The following SPATA31H1 variants were observed in gnomAD, a reference collection of about 807,000 sequenced individuals.
The protein encoded by SPATA31H1 is SPATA31 subfamily H member 1.
the SPATA31H1 span, among the ~76,000 whole-genome samples, chr2:27,540,897 T>C: frequency 1.5e-4 from 15 of 99,584 alleles, no homozygotes; most frequent in South Asian, 1.1e-3. Context: ...CGCTCCTCAC[T>C]TTCCAGACTG....
chr2:27,556,773 A>G, the SPATA31H1 span, among the ~76,000 whole-genome samples: 4 of 128,160 alleles, frequency 3.1e-5, no homozygotes, highest in East Asian at 4.4e-4. Context: ...TGGCAGGGTC[A>G]TAGGACAATA....
At chr2:27,569,779 C>G in the SPATA31H1 span, 1 of 398,906 alleles carries the variant, frequency 2.5e-6, no homozygotes, top group Non-Finnish European at 4.4e-6. Flanking sequence ...CGTGTAAAAT[C>G]TGTGGATTTA....
the SPATA31H1 span, chr2:27,577,358 T>C: frequency 1.9e-6 from 3 of 1,613,916 alleles, no homozygotes; most frequent in African/African-American, 1.3e-5. This position sits in a 1 kb window ranked among gnomAD's most constrained non-coding sequence, Gnocchi z 4.5. Context: ...CTGTGGAATA[T>C]GAAGGGATTA....
chr2:27,567,039 C>A, the SPATA31H1 span: 1 of 717,392 alleles, frequency 1.4e-6, no homozygotes, highest in Non-Finnish European at 2.6e-6. Context: ...GCTCTCAGAG[C>A]CCCAGAAATC....
the SPATA31H1 span, chr2:27,566,918 T>C: frequency 2.8e-6 from 2 of 717,478 alleles, no homozygotes; most frequent in African/African-American, 1.7e-5. Context: ...CTCATCTTCC[T>C]GTCTTTTCTG....
At chr2:27,579,495 T>C in the SPATA31H1 span, 3 of 1,614,242 alleles carry the variant, frequency 1.9e-6, no homozygotes, top group South Asian at 3.3e-5. Flanking sequence ...AAGAATGGCC[T>C]TAAGGATATG....
chr2:27,567,907 C>T, the SPATA31H1 span: 26 of 398,794 alleles, frequency 6.5e-5, no homozygotes, highest in South Asian at 2.5e-4. Flanking sequence ...TCAGAATTTG[C>T]GGGTTTGTTC....
chr2:27,579,370 C>G, the SPATA31H1 span: 3 of 1,614,100 alleles, frequency 1.9e-6, no homozygotes, highest in African/African-American at 2.7e-5. Flanking sequence ...GGGATTCCAG[C>G]TGAACTGATG....
chr2:27,564,282 TGTA>T, the SPATA31H1 span, among the ~76,000 whole-genome samples: 1 of 152,184 alleles, frequency 6.6e-6, no homozygotes, highest in Admixed American at 6.5e-5. Flanking sequence ...CCAGTAAACA[TGTA>T]GCACTTTTGA....
At chr2:27,539,114 T>C in the SPATA31H1 span, among the ~76,000 whole-genome samples, 460 of 141,032 alleles carry the variant, frequency 3.3e-3, 3 homozygotes, top group African/African-American at 0.013. Flanking sequence ...TTTTTTTTTT[T>C]TTTTTTTTTT....
At chr2:27,569,160 C>T in the SPATA31H1 span, 1 of 398,916 alleles carries the variant, frequency 2.5e-6, no homozygotes, top group East Asian at 3.6e-5. Context: ...GGGGGAAACT[C>T]CAGTATCACA....
At chr2:27,541,261 G>A in the SPATA31H1 span, among the ~76,000 whole-genome samples, 87,158 of 151,446 alleles carry the variant, frequency 0.58, 25,951 homozygotes, top group East Asian at 0.85. Flanking sequence ...GTGGCGTGGC[G>A]GCGAGCGCCT....
At chr2:27,574,600 T>A in the SPATA31H1 span, 1 of 398,392 alleles carries the variant, frequency 2.5e-6, no homozygotes, top group Non-Finnish European at 4.4e-6. Flanking sequence ...ATGAAATCAA[T>A]GGATTTCAAT....
the SPATA31H1 span, chr2:27,577,325 A>G: frequency 1.1e-4 from 178 of 1,614,110 alleles, no homozygotes; most frequent in East Asian, 3.8e-3. This position sits in a 1 kb window ranked among gnomAD's most constrained non-coding sequence, Gnocchi z 4.5. Context: ...TGGGGGAGTT[A>G]TATATGAAGC....
chr2:27,549,072 CAAA>C, the SPATA31H1 span, among the ~76,000 whole-genome samples: 83 of 53,298 alleles, frequency 1.6e-3, 2 homozygotes, highest in African/African-American at 4.8e-3. Context: ...GACTCCGTCT[CAAA>C]AAAAAAAAAA....
At chr2:27,578,254 A>G in the SPATA31H1 span, 1 of 1,614,196 alleles carries the variant, frequency 6.2e-7, no homozygotes, top group Non-Finnish European at 8.5e-7. Context: ...CCATGTTTGC[A>G]AGATGTGAAA....
chr2:27,542,183 G>A, the SPATA31H1 span, among the ~76,000 whole-genome samples: 1 of 152,004 alleles, frequency 6.6e-6, no homozygotes, highest in Non-Finnish European at 1.5e-5. Context: ...GATCACTTGA[G>A]GTCAGGAGTT....
chr2:27,576,783 T>C, the SPATA31H1 span: 1 of 1,614,012 alleles, frequency 6.2e-7, no homozygotes, highest in Non-Finnish European at 8.5e-7. Flanking sequence ...AGAGCCAAAG[T>C]TGCAAAGCGT....
the SPATA31H1 span, chr2:27,580,908 T>A: frequency 2.5e-6 from 4 of 1,614,196 alleles, no homozygotes; most frequent in Non-Finnish European, 3.4e-6. Flanking sequence ...AAGAGCTTAC[T>A]CTTTCCAACC....
Sources: allele counts gnomAD v4.1 joint callset (sites outside exome capture counted in the v4.1 genomes callset), GRCh38; gene constraint gnomAD v4.1.1; non-coding constraint Gnocchi (gnomAD v3.1); transcripts MANE v1.5; gene names NCBI Gene and HGNC (gene_info 2026-07-23, HGNC 2026-07-21).